The following SH2B3 variants were observed in gnomAD, a reference collection of about 807,000 sequenced individuals.
SH2B3 encodes SH2B adaptor protein 3.
A neutral mutation model predicts 51.9 loss-of-function variants in SH2B3; 43 were observed. That is an observed-to-expected ratio of 0.83 (90% CI 0.65 to 1.07). The LOEUF is 1.07. SH2B3 is among the 50% of genes least tolerant of loss of function. The pLI, the probability that SH2B3 is intolerant of heterozygous loss-of-function variation, is 0.00. For synonymous variants in SH2B3, 396 were observed against 376.0 expected (o/e 1.05, Z -0.62); for missense variants, 952 against 834.3 (o/e 1.14, Z -1.74).
intron 2 of SH2B3, among the ~76,000 whole-genome samples, chr12:111,441,140 G>T (rs1873369381): frequency 6.6e-6 from 1 of 151,104 alleles, no homozygotes; most frequent in African/African-American, 2.5e-5. Context: ...ATTTTGGGAG[G>T]CCGAGGCAGA....
At chr12:111,416,638 C>T (rs1241317180) in intron 1 of SH2B3, among the ~76,000 whole-genome samples, 1 of 152,120 alleles carries the variant, frequency 6.6e-6, no homozygotes, top group Non-Finnish European at 1.5e-5. Flanking sequence ...GGACTACAGG[C>T]GCCCGCCACC....
chr12:111,413,905 C>A (rs1180466455), intron 1 of SH2B3, among the ~76,000 whole-genome samples: 1 of 152,220 alleles, frequency 6.6e-6, no homozygotes, highest in African/African-American at 2.4e-5. Context: ...TCAGAAGAGG[C>A]TTCTCTTATG....
At chr12:111,437,455 G>T (rs1872979775) in intron 2 of SH2B3, among the ~76,000 whole-genome samples, 1 of 152,170 alleles carries the variant, frequency 6.6e-6, no homozygotes, top group Non-Finnish European at 1.5e-5. Flanking sequence ...GGGTGGTGGG[G>T]GTCTAGGAGC....
In SH2B3 at chr12:111,410,805, A is replaced by C. The variant is rs1260578113; in HGVS notation, c.-28+4528A>C. Reference sequence around the variant, plus strand: ...GGCAACTTGAATGCTGTGAAAGGGCAGCAGGCCGCCTGCCAGGCAGTGTGT... The same window carrying C: ...GGCAACTTGAATGCTGTGAAAGGGCCGCAGGCCGCCTGCCAGGCAGTGTGT... On this transcript the variant is annotated intron_variant, in intron 1 of 7. Coordinates refer to ENST00000341259, the MANE Select transcript of SH2B3 (RefSeq NM_005475.3). The surrounding 1 kb of genome is among the most constrained non-coding windows in gnomAD (Gnocchi z 4.9). 5.9e-5 allele frequency among the ~76,000 whole-genome samples: 9 copies of C among 152,242 alleles called. No individual in the cohort carries two copies. The highest frequency in any genetic ancestry group is 1.9e-4 in the African/African-American group (8 of 41,458).
chr12:111,446,662 G>T, intron 2 of SH2B3, 91 bp from the exon 3 acceptor site: 1 of 682,498 alleles, frequency 1.5e-6, no homozygotes, highest in Non-Finnish European at 2.5e-6. Context: ...TCTAAAAGGG[G>T]GACTCCTGGG....
chr12:111,448,233 G>A lies in SH2B3; in HGVS notation c.1659G>A (p.Ser553=), dbSNP rs369151728. ...EHEPVNRARD[S]DYEMDSSSRS... is the part of the protein sequence containing the mutation. ...AGCCTGTGAATCGAGCCCGGGACTC[G>A]GACTACGAAATGGACTCATCCTCCC... The change falls in exon 8 of 8, where the codon TCG becomes TCA. Residue 553 remains serine, a synonymous_variant. Transcript: ENST00000341259. The A allele has an allele frequency of 2.5e-5, 40 of 1,614,002 alleles. No homozygotes were observed. Among genetic ancestry groups the A allele is most frequent in the African/African-American group, 6.7e-5 (5 of 74,908 alleles).
Position 111,418,110 on chromosome 12 carries a change from G to A in SH2B3, c.-27-9G>A. ...CTCCTTGTCGCCCCCCCACCCACGT[G>A]TCTTTCAGCCCGGCCGCACCACCTG... On this transcript the variant is annotated splice_polypyrimidine_tract_variant and intron_variant, in intron 1 of 7. Coordinates refer to ENST00000341259, the MANE Select transcript of SH2B3 (RefSeq NM_005475.3). This position sits in a 1 kb window ranked among gnomAD's most constrained non-coding sequence, Gnocchi z 6.7. 13 of 1,473,616 alleles carry A rather than the reference G, an allele frequency of 8.8e-6. No homozygotes were observed. The highest frequency in any genetic ancestry group is 1.2e-5 in the Non-Finnish European group (13 of 1,123,444). 91.3% of individuals were successfully genotyped at this position (1,473,616 alleles called of 1,614,324 possible). A position where few individuals can be genotyped will look rare whatever the true frequency, so the allele number is the denominator to read the frequency against.
intron 1 of SH2B3, among the ~76,000 whole-genome samples, chr12:111,408,913 C>T (rs567364968): frequency 2.0e-5 from 3 of 152,222 alleles, no homozygotes; most frequent in African/African-American, 7.2e-5. Context: ...GCACATAAGG[C>T]ACTGAGCGCT....
rs1378507112 is a variant in SH2B3, at chr12:111,410,165, A to G, written c.-28+3888A>G. Among the ~76,000 whole-genome samples the G allele has an allele frequency of 2.0e-5, 3 of 152,124 alleles. No individual in the cohort carries two copies. The highest frequency in any genetic ancestry group is 1.3e-4 in the Admixed American group (2 of 15,286). ...ACAGGGGCTGACTCACAGGCGCCCA[A>G]TGGGGGGCCCCAGCTGGGAGACTGG... On this transcript the variant is annotated intron_variant, in intron 1 of 7. Coordinates refer to ENST00000341259, the MANE Select transcript of SH2B3 (RefSeq NM_005475.3). This position sits in a 1 kb window ranked among gnomAD's most constrained non-coding sequence, Gnocchi z 4.9.
At chr12:111,434,667 C>A (rs1347097257) in intron 2 of SH2B3, 1 of 543,600 alleles carries the variant, frequency 1.8e-6, no homozygotes, top group Non-Finnish European at 2.3e-6. Context: ...CTTTCCCCAC[C>A]CAGGATCAGA....
At chr12:111,439,999 T>G (rs180796852) in intron 2 of SH2B3, among the ~76,000 whole-genome samples, 1 of 152,332 alleles carries the variant, frequency 6.6e-6, no homozygotes, top group Non-Finnish European at 1.5e-5. Context: ...GCACATCTTC[T>G]GTGGCTCCCT....
At chr12:111,430,943 G>A (rs1872429843) in intron 2 of SH2B3, among the ~76,000 whole-genome samples, 1 of 151,462 alleles carries the variant, frequency 6.6e-6, no homozygotes, top group South Asian at 2.1e-4. Flanking sequence ...TGGCGCTGCT[G>A]GAAATCCCCC....
rs574963849 is a variant in SH2B3, at chr12:111,433,930, A to T, written c.733-12823A>T. 5.9e-5 allele frequency among the ~76,000 whole-genome samples: 9 copies of T among 152,210 alleles called. No individual in the cohort carries two copies. The South Asian group carries it at 1.9e-3, about 32-fold the overall frequency. On this transcript the variant is annotated intron_variant, in intron 2 of 7. Coordinates refer to ENST00000341259, the MANE Select transcript of SH2B3 (RefSeq NM_005475.3). ...GGTTTAGCCTCAGTGTGGTTTTGAT[A>T]TGCATTTCCCCAATGGAAAATGGTG...
intron 1 of SH2B3, among the ~76,000 whole-genome samples, chr12:111,415,900 GTA>G: frequency 6.6e-6 from 1 of 151,876 alleles, no homozygotes; most frequent in East Asian, 1.9e-4. Flanking sequence ...GGGATTACAG[GTA>G]TGAGCAGCTG....
chr12:111,410,284 G>A lies in SH2B3; in HGVS notation c.-28+4007G>A, dbSNP rs1870592646. Among the ~76,000 whole-genome samples the A allele has an allele frequency of 6.6e-6, 1 of 152,166 alleles. No individual in the cohort carries two copies. The highest frequency in any genetic ancestry group is 1.5e-5 in the Non-Finnish European group (1 of 68,014). ...CACACACTGGTGTCATCTCAAGGAG[G>A]AGAGGCCCAGAGAGGGCAGTGTATG... On this transcript the variant is annotated intron_variant, in intron 1 of 7. Transcript: ENST00000341259. The surrounding 1 kb of genome is among the most constrained non-coding windows in gnomAD (Gnocchi z 4.9).
At chr12:111,425,375 G>A (rs926519507) in intron 2 of SH2B3, among the ~76,000 whole-genome samples, 3 of 152,142 alleles carry the variant, frequency 2.0e-5, no homozygotes, top group Non-Finnish European at 4.4e-5. Flanking sequence ...TGGGAGGTGG[G>A]AGGGGGCTGC....
Position 111,418,727 on chromosome 12 carries a change from G to A in SH2B3, c.582G>A (p.Glu194=), listed in dbSNP as rs567969952. The change falls in exon 2 of 8, where the codon GAG becomes GAA. Residue 194 remains glutamate, a synonymous_variant. Transcript: ENST00000341259. The surrounding 1 kb of genome is among the most constrained non-coding windows in gnomAD (Gnocchi z 6.7). ...GCCTGGCCCGGGAGCCGCCACCCGAGGCGCTGAAGGAGGCGGTGCTGCGCT... is the reference window on the plus strand; with the variant it reads ...GCCTGGCCCGGGAGCCGCCACCCGAAGCGCTGAAGGAGGCGGTGCTGCGCT... ...PWSLAREPPP[E]ALKEAVLRYS... The A allele has an allele frequency of 4.7e-6, 7 of 1,485,376 alleles. No homozygotes were observed. The highest frequency in any genetic ancestry group is 2.3e-5 in the Admixed American group (1 of 44,344). 92.0% of individuals were successfully genotyped at this position (1,485,376 alleles called of 1,614,324 possible).
At chr12:111,432,625 G>A (rs540361254) in intron 2 of SH2B3, among the ~76,000 whole-genome samples, 21 of 152,002 alleles carry the variant, frequency 1.4e-4, no homozygotes, top group Admixed American at 5.9e-4. Context: ...GAACATTTTC[G>A]TCATCAAAAA....
chr12:111,448,203 G>GCA lies in SH2B3; in HGVS notation c.1630_1631dup (p.Glu545MetfsTer4), dbSNP rs754476772. ...TGGCCAACAGCCTGCAGCACCTGGA[G>GCA]CATGAGCCTGTGAATCGAGCCCGGG... is the stretch of plus-strand genomic sequence containing the variant. On this transcript the variant is annotated frameshift_variant, in exon 8 of 8. Coordinates refer to ENST00000341259, the MANE Select transcript of SH2B3 (RefSeq NM_005475.3). LOFTEE classifies it high-confidence loss of function. The GCA allele has an allele frequency of 5.6e-6, 9 of 1,614,124 alleles. No individual in the cohort carries two copies. The highest frequency in any genetic ancestry group is 7.6e-6 in the Non-Finnish European group (9 of 1,180,020).
Sources: gnomAD v4.1 joint callset for allele counts (sites outside exome capture counted in the v4.1 genomes callset) on GRCh38, gnomAD v4.1.1 for gene constraint, Gnocchi (gnomAD v3.1) non-coding constraint, MANE v1.5 for transcripts, NCBI Gene and HGNC (gene_info 2026-07-23, HGNC 2026-07-21) for gene names.